SPINK2: variants seen among roughly 807,000 people sequenced by gnomAD.
SPINK2 encodes serine peptidase inhibitor Kazal type 2.
In SPINK2, 8 loss-of-function variants were observed where a neutral mutation model predicts 13.5. That is an observed-to-expected ratio of 0.59 (90% CI 0.35 to 1.07). SPINK2 has a LOEUF of 1.07. Ranked by LOEUF, SPINK2 falls within the 50% of genes least tolerant of loss-of-function variation. The probability of loss-of-function intolerance (pLI) is 0.02; values close to 1 mark genes in which losing one functional copy is unlikely to be tolerated. For synonymous variants in SPINK2, 76 were observed against 74.7 expected (o/e 1.02, Z -0.09); for missense variants, 148 against 180.3 (o/e 0.82, Z 1.03).
chr4:56,812,381 C>A (rs924321787), intron 2 of SPINK2, among the ~76,000 whole-genome samples: 10 of 150,788 alleles, frequency 6.6e-5, no homozygotes, highest in African/African-American at 2.4e-4. Flanking sequence ...ATGGAGAAAC[C>A]CTGTCTCTAC....
intron 2 of SPINK2, among the ~76,000 whole-genome samples, chr4:56,812,343 C>G (rs1717056858): frequency 1.3e-5 from 2 of 151,466 alleles, no homozygotes; most frequent in South Asian, 4.2e-4. Context: ...TCACCCGAGA[C>G]TGGGAGTTCG....
rs527292179 is a variant in SPINK2, at chr4:56,814,985, A to G, written c.250-3191T>C. On this transcript the variant is annotated intron_variant, in intron 2 of 3. Coordinates refer to ENST00000506738, the MANE Select transcript of SPINK2 (RefSeq NM_001271718.2). ...CAAAAAAAAAAAAAAAAAAAAAAAC[A>G]AAGGCTGAGGCAGGAGAATCACACA... is the stretch of plus-strand genomic sequence containing the variant. Among the ~76,000 whole-genome samples the G allele has an allele frequency of 5.9e-4, 87 of 147,052 alleles. No homozygotes were observed. The South Asian group carries it at 0.018, about 31-fold the overall frequency.
At position 56,820,240 on chromosome 4, in the gene SPINK2, C is replaced by T. The variant is rs1002296247; in HGVS notation, c.249+296G>A. Among the ~76,000 whole-genome samples, 5 of 152,136 alleles carry T rather than the reference C, an allele frequency of 3.3e-5. No homozygotes were observed. The East Asian group carries it at 9.6e-4, about 29-fold the overall frequency. On this transcript the variant is annotated intron_variant, in intron 2 of 3. Transcript: ENST00000506738. ...TTGCTTGTTCTCATTTGGTTGGTCT[C>T]CATTTACATCCTCAGAATTTAATTT...
intron 2 of SPINK2, among the ~76,000 whole-genome samples, chr4:56,815,088 A>AAAAC (rs752065919): frequency 1.1e-4 from 17 of 152,110 alleles, no homozygotes; most frequent in Non-Finnish European, 1.9e-4. Flanking sequence ...TCTGTCTCAA[A>AAAAC]AAACAAACAA....
intron 2 of SPINK2, among the ~76,000 whole-genome samples, chr4:56,817,229 T>C (rs1387756278): frequency 6.6e-6 from 1 of 152,014 alleles, no homozygotes; most frequent in Non-Finnish European, 1.5e-5. Context: ...ACATTAGGAA[T>C]AAATATTTAC....
chr4:56,819,897 G>A (rs909649962), intron 2 of SPINK2, among the ~76,000 whole-genome samples: 3 of 152,224 alleles, frequency 2.0e-5, no homozygotes, highest in Admixed American at 2.0e-4. Flanking sequence ...TTACAGGCGT[G>A]AGTCACTGCG....
chr4:56,809,923 G>T lies in SPINK2; in HGVS notation c.*216C>A. ...AATGCACAAGTCACCTGGGCAGTAA[G>T]CTTAACTCCAGGAGCAAAAGCCAAG... On this transcript the variant is annotated 3_prime_UTR_variant, in exon 4 of 4. Coordinates refer to ENST00000506738, the MANE Select transcript of SPINK2 (RefSeq NM_001271718.2). 3 of 1,324,076 alleles carry T rather than the reference G, an allele frequency of 2.3e-6. No homozygotes were observed. Among genetic ancestry groups the T allele is most frequent in the Non-Finnish European group, 3.0e-6 (3 of 999,608 alleles). 82.0% of individuals were successfully genotyped at this position (1,324,076 alleles called of 1,614,324 possible).
intron 2 of SPINK2, among the ~76,000 whole-genome samples, chr4:56,814,553 T>C (rs1258154918): frequency 6.6e-6 from 1 of 151,818 alleles, no homozygotes; most frequent in Non-Finnish European, 1.5e-5. Flanking sequence ...GCTGGGAGAA[T>C]GTCTACCGCA....
At chr4:56,820,482 C>A (rs760096445) in intron 2 of SPINK2, 54 bp downstream of exon 2, 20 of 1,447,750 alleles carry the variant, frequency 1.4e-5, no homozygotes, top group Non-Finnish European at 1.9e-5. Flanking sequence ...CCCTCCCAAA[C>A]GGTTTTGGGC....
chr4:56,811,629 G>GA (rs796760763), intron 3 of SPINK2, 56 bp downstream of exon 3: 1,687 of 1,157,080 alleles, frequency 1.5e-3, no homozygotes, highest in East Asian at 1.8e-3. Flanking sequence ...AAAAAAAGAA[G>GA]AAAAAAAAAG....
chr4:56,819,630 T>C (rs1717764297), intron 2 of SPINK2, among the ~76,000 whole-genome samples: 2 of 151,580 alleles, frequency 1.3e-5, no homozygotes, highest in Admixed American at 1.3e-4. Flanking sequence ...TTTTTTTTTT[T>C]TTTGAGATGA....
chr4:56,814,506 G>C (rs1002398071), intron 2 of SPINK2, among the ~76,000 whole-genome samples: 6 of 152,010 alleles, frequency 3.9e-5, no homozygotes, highest in African/African-American at 9.7e-5. Context: ...AAATACACAT[G>C]CTGGTCTTGA....
At chr4:56,818,903 CATT>C (rs1015944623) in intron 2 of SPINK2, among the ~76,000 whole-genome samples, 1 of 152,148 alleles carries the variant, frequency 6.6e-6, no homozygotes, top group Non-Finnish European at 1.5e-5. Context: ...GCAAATAAGA[CATT>C]ATACCTGACA....
In SPINK2 at chr4:56,821,606, A is replaced by G. The variant is rs774998243; in HGVS notation, c.57T>C (p.Gly19=). The change falls in exon 1 of 4, where the codon GGT becomes GGC. Residue 19 remains glycine, a synonymous_variant. Coordinates refer to ENST00000506738, the MANE Select transcript of SPINK2 (RefSeq NM_001271718.2). The stretch of plus-strand genomic sequence containing the variant: ...GCTCGCCAGGACCGCTCCGAGCGCT[A>G]CCTGCGAAGGTAACTGCCAGGAGCA... The part of the protein sequence containing the change: ...ALLLLAVTFA[G]SARSGPGERG... The G allele has an allele frequency of 1.3e-6, 2 of 1,549,542 alleles. No individual in the cohort carries two copies. Among genetic ancestry groups the G allele is most frequent in the Non-Finnish European group, 1.7e-6 (2 of 1,147,422 alleles).
At chr4:56,818,022 G>C (rs1249055984) in intron 2 of SPINK2, among the ~76,000 whole-genome samples, 2 of 152,176 alleles carry the variant, frequency 1.3e-5, no homozygotes, top group Non-Finnish European at 1.5e-5. Context: ...TTCAGTTGAG[G>C]TTTTAGAGAC....
intron 2 of SPINK2, among the ~76,000 whole-genome samples, chr4:56,819,981 G>C (rs1035188500): frequency 1.4e-4 from 22 of 152,070 alleles, no homozygotes; most frequent in African/African-American, 5.3e-4. Flanking sequence ...TTCCAACTTA[G>C]GACAACCAGA....
intron 1 of SPINK2, among the ~76,000 whole-genome samples, chr4:56,821,125 G>A (rs1032867012): frequency 6.6e-6 from 1 of 152,230 alleles, no homozygotes; most frequent in Non-Finnish European, 1.5e-5. Flanking sequence ...AGTTCATGAT[G>A]TTATTTTCCT....
intron 1 of SPINK2, chr4:56,821,196 T>G: frequency 1.8e-6 from 1 of 555,864 alleles, no homozygotes; most frequent in African/African-American, 2.0e-5. Flanking sequence ...TAACTCCATT[T>G]TAAGAGAGGT....
chr4:56,812,703 T>C (rs528247665), intron 2 of SPINK2, among the ~76,000 whole-genome samples: 5 of 151,912 alleles, frequency 3.3e-5, no homozygotes, highest in African/African-American at 9.7e-5. Context: ...AAAATCTCCA[T>C]GTGGATGTTT....
Sources: gnomAD v4.1 joint callset for allele counts (sites outside exome capture counted in the v4.1 genomes callset) on GRCh38, gnomAD v4.1.1 for gene constraint, MANE v1.5 for transcripts, NCBI Gene and HGNC (gene_info 2026-07-23, HGNC 2026-07-21) for gene names.